The following EAF2 variants were observed in gnomAD, a reference collection of about 807,000 sequenced individuals.
EAF2 encodes the protein ELL associated factor 2.
A neutral mutation model predicts 29.4 loss-of-function variants in EAF2; 29 were observed. That is an observed-to-expected ratio of 0.99 (90% confidence interval 0.73 to 1.35). EAF2 has a LOEUF of 1.35. Among genes scored for constraint, EAF2 ranks in the 40% most tolerant of loss-of-function variants. The pLI is 0.00. For missense variants in EAF2, 292 were observed against 312.0 expected (o/e 0.94, Z 0.48); for synonymous variants, 103 against 102.5 (o/e 1.00, Z -0.03).
intron 4 of EAF2, among the ~76,000 whole-genome samples, chr3:121,866,155 A>G (rs1349308377): frequency 6.6e-6 from 1 of 152,024 alleles, no homozygotes; most frequent in East Asian, 1.9e-4. Context: ...ACCTATACGC[A>G]CCACATCTCC....
At chr3:121,836,650 C>T in intron 1 of EAF2, 2 of 987,710 alleles carry the variant, frequency 2.0e-6, no homozygotes, top group East Asian at 1.1e-4. Flanking sequence ...TCCAGAGCTC[C>T]CCACGATGAG....
chr3:121,871,329 T>C (rs1462048004), intron 4 of EAF2, among the ~76,000 whole-genome samples: 4 of 146,850 alleles, frequency 2.7e-5, no homozygotes, highest in Non-Finnish European at 4.5e-5. Flanking sequence ...AATAGACGAA[T>C]AGACAAAAAT....
At chr3:121,858,415 A>G (rs1190169985) in intron 4 of EAF2, among the ~76,000 whole-genome samples, 2 of 152,142 alleles carry the variant, frequency 1.3e-5, no homozygotes, top group African/African-American at 2.4e-5. Flanking sequence ...TTCTCTGATG[A>G]CCAGTGATGA....
At chr3:121,882,314 A>T (rs983043939) in intron 5 of EAF2, among the ~76,000 whole-genome samples, 1 of 150,384 alleles carries the variant, frequency 6.6e-6, no homozygotes, top group Non-Finnish European at 1.5e-5. Context: ...ATGTCACTGC[A>T]CTCCAGCCTG....
intron 2 of EAF2, among the ~76,000 whole-genome samples, chr3:121,851,283 T>C (rs2107511835): frequency 6.6e-6 from 1 of 152,064 alleles, no homozygotes; most frequent in East Asian, 1.9e-4. Flanking sequence ...GCTCAAGCAA[T>C]CCTCCTGCCT....
chr3:121,872,308 G>A (rs1016270116), intron 4 of EAF2, among the ~76,000 whole-genome samples: 3 of 151,786 alleles, frequency 2.0e-5, no homozygotes, highest in Non-Finnish European at 4.4e-5. Context: ...AAATAAATGT[G>A]GAGTTTAGAT....
chr3:121,860,789 C>A (rs145075949), intron 4 of EAF2, among the ~76,000 whole-genome samples: 16 of 152,260 alleles, frequency 1.1e-4, no homozygotes, highest in African/African-American at 3.9e-4. Context: ...ATCTTTCCTG[C>A]TTTCTCTTGT....
At chr3:121,856,673 G>T (rs1429050583) in intron 3 of EAF2, among the ~76,000 whole-genome samples, 3 of 152,024 alleles carry the variant, frequency 2.0e-5, no homozygotes, top group African/African-American at 7.3e-5. Context: ...TACAGACAGG[G>T]TCTCGTTATG....
chr3:121,835,297 A>G lies in EAF2; in HGVS notation c.12A>G (p.Ala4=). The change falls in exon 1 of 6, where the codon GCA becomes GCG. Residue 4 remains alanine, a synonymous_variant. Coordinates refer to ENST00000273668, the MANE Select transcript of EAF2 (RefSeq NM_018456.6). ...GCAGGAGAGTAATTATGAATAGCGC[A>G]GCGGGATTCTCACACCTAGACCGTC... The part of the protein sequence containing the change: MNS[A]AGFSHLDRRE... 2 of 1,614,226 alleles carry G rather than the reference A, an allele frequency of 1.2e-6. No individual in the cohort carries two copies. The highest frequency in any genetic ancestry group is 4.5e-5 in the East Asian group (2 of 44,872).
At chr3:121,835,830 A>AGGG (rs927353591) in intron 1 of EAF2, among the ~76,000 whole-genome samples, 1 of 152,108 alleles carries the variant, frequency 6.6e-6, no homozygotes, top group African/African-American at 2.4e-5. Flanking sequence ...CTGGCAGATG[A>AGGG]GGGTTCTTAT....
chr3:121,882,212 G>A (rs1709200667), intron 5 of EAF2, among the ~76,000 whole-genome samples: 1 of 151,984 alleles, frequency 6.6e-6, no homozygotes, highest in Non-Finnish European at 1.5e-5. Flanking sequence ...AGCCAGGCAT[G>A]CTGGTACACA....
chr3:121,854,783 C>A lies in EAF2; in HGVS notation c.298C>A (p.Leu100Ile). Residue 100 changes from leucine to isoleucine, a missense_variant, in exon 3 of 6, where the codon CTA (leucine) becomes ATA (isoleucine). Transcript: ENST00000273668. Reference protein sequence around the residue: ...IINHDTGECRLEKLSSNITVK... With the variant: ...IINHDTGECRIEKLSSNITVK... ...TAACCATGATACTGGAGAATGTCGG[C>A]TAGAAAAACTCAGCAGCAACATCAC... 1 of 1,571,082 alleles carries A rather than the reference C, an allele frequency of 6.4e-7. No homozygotes were observed.
chr3:121,861,435 G>A (rs894692819), intron 4 of EAF2, among the ~76,000 whole-genome samples: 1 of 152,064 alleles, frequency 6.6e-6, no homozygotes, highest in African/African-American at 2.4e-5. Flanking sequence ...GGCCTTCCTT[G>A]TCTCTTTTGA....
At chr3:121,852,575 A>G (rs1374139162) in intron 2 of EAF2, among the ~76,000 whole-genome samples, 1 of 152,124 alleles carries the variant, frequency 6.6e-6, no homozygotes, top group Non-Finnish European at 1.5e-5. Flanking sequence ...CCTTTATTTT[A>G]CATTTATAAT....
chr3:121,841,549 AAAGAAAGAAAAAAG>A, intron 1 of EAF2, among the ~76,000 whole-genome samples: 1 of 138,304 alleles, frequency 7.2e-6, no homozygotes, highest in African/African-American at 2.7e-5. Context: ...AAAAAGAAAG[AAAGAAAGAAAAAAG>A]ATAGAAAGAA....
intron 2 of EAF2, among the ~76,000 whole-genome samples, chr3:121,850,828 C>T (rs1318324637): frequency 1.3e-5 from 2 of 152,040 alleles, no homozygotes; most frequent in Non-Finnish European, 2.9e-5. Context: ...TCCCAAGTAG[C>T]TGGGATTACA....
At chr3:121,848,380 T>C (rs143688023) in intron 2 of EAF2, among the ~76,000 whole-genome samples, 1 of 152,234 alleles carries the variant, frequency 6.6e-6, no homozygotes, top group Non-Finnish European at 1.5e-5. Context: ...AAATATACTT[T>C]GCTAATATTT....
chr3:121,843,272 T>A (rs539426971), intron 1 of EAF2, among the ~76,000 whole-genome samples: 1 of 152,292 alleles, frequency 6.6e-6, no homozygotes, highest in Admixed American at 6.5e-5. Flanking sequence ...CCTTTGTTTA[T>A]TTACAGAGCA....
At chr3:121,855,932 A>G (rs1419198491) in intron 3 of EAF2, among the ~76,000 whole-genome samples, 1 of 152,230 alleles carries the variant, frequency 6.6e-6, no homozygotes, top group Non-Finnish European at 1.5e-5. Context: ...TTAATTCAGT[A>G]GAGAAACTGA....
Sources: allele counts gnomAD v4.1 joint callset (sites outside exome capture counted in the v4.1 genomes callset), GRCh38; gene constraint gnomAD v4.1.1; transcripts MANE v1.5; gene names NCBI Gene and HGNC (gene_info 2026-07-23, HGNC 2026-07-21).